DENND2A: variants seen among roughly 807,000 people sequenced by gnomAD.
DENND2A encodes the protein DENN domain-containing protein 2A.
In DENND2A, 53 loss-of-function variants were observed where a neutral mutation model predicts 105.3. The observed-to-expected ratio is 0.50, with a 90% CI of 0.40 to 0.63. The LOEUF is 0.63. Among genes scored for constraint, DENND2A ranks in the 30% least tolerant of loss-of-function variants. The pLI, the probability that DENND2A is intolerant of heterozygous loss-of-function variation, is 0.00. For synonymous variants in DENND2A, 522 were observed against 508.4 expected, an observed-to-expected ratio of 1.03 and a Z score of -0.36; for missense variants, 1,138 against 1,279.6, an observed-to-expected ratio of 0.89 and a Z score of 1.69.
At position 140,601,589 on chromosome 7, in the gene DENND2A, C is replaced by T. The variant is rs368140148; in HGVS notation, c.809G>A (p.Arg270Gln). 1.2e-5 allele frequency: 19 copies of T among 1,613,926 alleles called. No individual in the cohort carries two copies. Among genetic ancestry groups the T allele is most frequent in the South Asian group, 4.4e-5 (4 of 91,050 alleles). Residue 270 changes from arginine to glutamine, a missense_variant, in exon 3 of 20, where the codon CGG becomes CAG. Around this residue, in one of 2 missense-constraint regions of DENND2A, gnomAD observed 511 missense variants for 499.9 expected, o/e 1.02. Coordinates refer to ENST00000496613, the MANE Select transcript of DENND2A (RefSeq NM_015689.5). The part of the protein sequence containing the change: ...KPFINPLPKP[R>Q]RTFKHAGEGD... ...TTCTCCGGCATGTTTGAACGTTCTC[C>T]GGGGTTTTGGCAGAGGGTTGATGAA...
At chr7:140,634,808 G>A (rs1698008697) in intron 1 of DENND2A, among the ~76,000 whole-genome samples, 1 of 152,008 alleles carries the variant, frequency 6.6e-6, no homozygotes, top group Admixed American at 6.6e-5. Flanking sequence ...AGAGGCAGAG[G>A]TTGCTGTGAG....
At chr7:140,543,121 C>CTTTTTT in intron 14 of DENND2A, among the ~76,000 whole-genome samples, 1 of 139,236 alleles carries the variant, frequency 7.2e-6, no homozygotes, top group Non-Finnish European at 1.5e-5. Flanking sequence ...CTTTTCTTTT[C>CTTTTTT]TTTTTTTTTT....
At chr7:140,576,256 T>C (rs1435147188) in intron 5 of DENND2A, among the ~76,000 whole-genome samples, 1 of 151,188 alleles carries the variant, frequency 6.6e-6, no homozygotes, top group Admixed American at 6.6e-5. Flanking sequence ...ATTTTAGTTA[T>C]AATAACTTTT....
intron 14 of DENND2A, among the ~76,000 whole-genome samples, chr7:140,542,011 G>C (rs1315352309): frequency 6.6e-6 from 1 of 151,502 alleles, no homozygotes; most frequent in African/African-American, 2.4e-5. Flanking sequence ...GTTTTCCATA[G>C]TTCAGAGTCA....
chr7:140,559,886 T>A lies in DENND2A; in HGVS notation c.1780-69A>T. The A allele has an allele frequency of 1.7e-6, 2 of 1,168,320 alleles. No individual in the cohort carries two copies. The highest frequency in any genetic ancestry group is 2.6e-5 in the South Asian group (2 of 78,306). 72.4% of individuals were successfully genotyped at this position (1,168,320 alleles called of 1,614,324 possible). A position where few individuals can be genotyped will look rare whatever the true frequency, so the allele number is the denominator to read the frequency against. ...CATGGGAAATTGAGGCGGATGATGG[T>A]AAGGATGGCCTCTCCCACCTTTCCA... On this transcript the variant is annotated intron_variant, in intron 9 of 19. Transcript: ENST00000496613. The surrounding 1 kb of genome is among the most constrained non-coding windows in gnomAD (Gnocchi z 4.1).
At chr7:140,593,059 T>C (rs188972614) in intron 3 of DENND2A, among the ~76,000 whole-genome samples, 70 of 152,370 alleles carry the variant, frequency 4.6e-4, no homozygotes, top group African/African-American at 1.7e-3. Flanking sequence ...AATATTTTTT[T>C]TAACTTGAAA....
chr7:140,614,538 C>T (rs1365595347), intron 1 of DENND2A, among the ~76,000 whole-genome samples: 4 of 152,192 alleles, frequency 2.6e-5, no homozygotes, highest in Non-Finnish European at 5.9e-5. Flanking sequence ...ATTACATATT[C>T]ATAAAATTAC....
intron 1 of DENND2A, among the ~76,000 whole-genome samples, chr7:140,623,248 G>A (rs1800366099): frequency 6.7e-6 from 1 of 149,264 alleles, no homozygotes; most frequent in Non-Finnish European, 1.5e-5. Context: ...CCGGGAGGCA[G>A]AGGTTGCAGT....
At chr7:140,597,738 T>C (rs151259271) in intron 3 of DENND2A, among the ~76,000 whole-genome samples, 70 of 152,230 alleles carry the variant, frequency 4.6e-4, no homozygotes, top group African/African-American at 1.7e-3. Context: ...TTTCCCAGAA[T>C]CAACCTGTCC....
At chr7:140,538,430 G>A (rs1033653901) in intron 14 of DENND2A, among the ~76,000 whole-genome samples, 3 of 152,208 alleles carry the variant, frequency 2.0e-5, no homozygotes, top group African/African-American at 7.2e-5. Flanking sequence ...GGTTGGGCAT[G>A]AGTGCATGTG....
At position 140,602,145 on chromosome 7, in the gene DENND2A, T is replaced by C; in HGVS notation, c.253A>G (p.Ser85Gly). 6 of 1,614,164 alleles carry C rather than the reference T, an allele frequency of 3.7e-6. No individual in the cohort carries two copies. Among genetic ancestry groups the C allele is most frequent in the Non-Finnish European group, 5.1e-6 (6 of 1,180,022 alleles). Residue 85 changes from serine (S) to glycine (G), a missense_variant, in exon 3 of 20, where the codon AGT becomes GGT. Ser to Gly is a moderately conservative substitution (Grantham distance 56). Around this residue, in one of 2 missense-constraint regions of DENND2A, gnomAD observed 511 missense variants for 499.9 expected, o/e 1.02. Transcript: ENST00000496613. ...GTGACCTGAGTTCTCACCCCATCAC[T>C]ACTCCTCCTCTCCACCGTAGAGGAC... ...LPSSTVERRS[S>G]DGVRTQVTEA...
chr7:140,562,785 A>G (rs779048744), intron 9 of DENND2A, among the ~76,000 whole-genome samples: 1 of 152,226 alleles, frequency 6.6e-6, no homozygotes, highest in Non-Finnish European at 1.5e-5. Context: ...ACAGCAATCA[A>G]TCGGTAAAAC....
At chr7:140,544,873 A>C in intron 13 of DENND2A, 107 bp from the exon 14 acceptor site, 1 of 1,485,012 alleles carries the variant, frequency 6.7e-7, no homozygotes, top group Non-Finnish European at 9.0e-7. Context: ...GGGGTGACCC[A>C]CTGGTGGGGG....
At chr7:140,593,238 C>G (rs768523047) in intron 3 of DENND2A, among the ~76,000 whole-genome samples, 3 of 152,194 alleles carry the variant, frequency 2.0e-5, no homozygotes, top group Non-Finnish European at 4.4e-5. Flanking sequence ...ACATTGTGCT[C>G]AAAGTGGGTG....
chr7:140,623,959 C>G (rs1800402813), intron 1 of DENND2A, among the ~76,000 whole-genome samples: 1 of 152,184 alleles, frequency 6.6e-6, no homozygotes, highest in African/African-American at 2.4e-5. Flanking sequence ...TTGTTTGGAT[C>G]TACAATCTAG....
chr7:140,638,657 A>C (rs1801051464), intron 1 of DENND2A, among the ~76,000 whole-genome samples: 1 of 152,156 alleles, frequency 6.6e-6, no homozygotes, highest in Non-Finnish European at 1.5e-5. Context: ...CACATACTGC[A>C]ACCCGCAGCC....
chr7:140,611,057 A>ATTG (rs1799878715), intron 1 of DENND2A, among the ~76,000 whole-genome samples: 1 of 151,860 alleles, frequency 6.6e-6, no homozygotes, highest in Admixed American at 6.6e-5. Flanking sequence ...TATTATTATT[A>ATTG]TTTTTTGAGA....
intron 1 of DENND2A, among the ~76,000 whole-genome samples, chr7:140,628,350 G>A (rs1800608030): frequency 1.3e-5 from 2 of 152,168 alleles, no homozygotes; most frequent in Non-Finnish European, 2.9e-5. Context: ...AACTGTGAAA[G>A]TAAGGCGGAG....
intron 13 of DENND2A, among the ~76,000 whole-genome samples, chr7:140,545,109 A>G (rs972663512): frequency 6.6e-6 from 1 of 152,050 alleles, no homozygotes; most frequent in Admixed American, 6.6e-5. Flanking sequence ...TGTACTCCCC[A>G]TGGAGAGTTT....
Sources: allele counts gnomAD v4.1 joint callset (sites outside exome capture counted in the v4.1 genomes callset), GRCh38; gene constraint gnomAD v4.1.1; regional missense constraint gnomAD v4.1.1; non-coding constraint Gnocchi (gnomAD v3.1); transcripts MANE v1.5; gene names NCBI Gene and HGNC (gene_info 2026-07-23, HGNC 2026-07-21).